GRM8: variants seen among roughly 807,000 people sequenced by gnomAD.
GRM8 encodes glutamate metabotropic receptor 8.
A neutral mutation model predicts 87.2 loss-of-function variants in GRM8; 47 were observed. The observed-to-expected ratio is 0.54, with a 90% CI of 0.43 to 0.69. GRM8 has a LOEUF of 0.69. Ranked by LOEUF, GRM8 falls within the 30% of genes least tolerant of loss-of-function variation. The pLI is 0.00. For missense variants in GRM8, 1,019 were observed against 1,139.2 expected (o/e 0.89, Z 1.52); for synonymous variants, 396 against 404.5 (o/e 0.98, Z 0.25).
intron 6 of GRM8, among the ~76,000 whole-genome samples, chr7:126,776,443 T>C (rs1819485780): frequency 6.6e-6 from 1 of 152,192 alleles, no homozygotes; most frequent in Non-Finnish European, 1.5e-5. Flanking sequence ...TGGTTAATGA[T>C]ATCTCCCCAA....
intron 6 of GRM8, among the ~76,000 whole-genome samples, chr7:126,815,172 C>T (rs1027202805): frequency 6.6e-6 from 1 of 152,064 alleles, no homozygotes; most frequent in Non-Finnish European, 1.5e-5. Context: ...TTGTCCATGG[C>T]TGTCCAGTTC....
chr7:126,586,696 G>T (rs1562980599), intron 8 of GRM8, among the ~76,000 whole-genome samples: 2 of 151,864 alleles, frequency 1.3e-5, no homozygotes, highest in Non-Finnish European at 2.9e-5. Context: ...TGGATTAAAG[G>T]TTAAATGTTA....
intron 7 of GRM8, among the ~76,000 whole-genome samples, chr7:126,707,425 A>G (rs1276008775): frequency 6.6e-6 from 1 of 152,186 alleles, no homozygotes; most frequent in Non-Finnish European, 1.5e-5. Flanking sequence ...AGCAAATTGT[A>G]TCTTGCCTTA....
chr7:126,910,580 A>T (rs1469370128), intron 3 of GRM8, among the ~76,000 whole-genome samples: 1 of 152,200 alleles, frequency 6.6e-6, no homozygotes, highest in African/African-American at 2.4e-5. Context: ...TATTTGGGCC[A>T]TGACAATTCA....
chr7:126,866,467 G>A (rs1179019285), intron 6 of GRM8, among the ~76,000 whole-genome samples: 1 of 148,922 alleles, frequency 6.7e-6, no homozygotes, highest in Admixed American at 6.7e-5. Flanking sequence ...GCTTTTTGGT[G>A]GCATGTCTAA....
At chr7:127,002,953 G>C (rs191785839) in intron 3 of GRM8, among the ~76,000 whole-genome samples, 2 of 151,614 alleles carry the variant, frequency 1.3e-5, no homozygotes, top group Non-Finnish European at 3.0e-5. Flanking sequence ...AATTCCCAGA[G>C]GTCTGGGGAA....
intron 3 of GRM8, among the ~76,000 whole-genome samples, chr7:127,038,774 T>C (rs897318853): frequency 1.3e-5 from 2 of 152,238 alleles, no homozygotes; most frequent in African/African-American, 4.8e-5. Flanking sequence ...GAGTGGTAGG[T>C]ATTTCTTTAT....
chr7:127,134,973 AAATAT>A (rs1225776837), intron 2 of GRM8, among the ~76,000 whole-genome samples: 3 of 152,164 alleles, frequency 2.0e-5, no homozygotes, highest in Non-Finnish European at 4.4e-5. Context: ...AACATGATGA[AAATAT>A]AATAGGCAAA....
chr7:127,114,095 C>G (rs1304102077), intron 2 of GRM8, among the ~76,000 whole-genome samples: 1 of 152,174 alleles, frequency 6.6e-6, no homozygotes, highest in Non-Finnish European at 1.5e-5. Context: ...AGTAGTATTC[C>G]TTCCCCAAAT....
At chr7:127,232,834 G>T (rs1029464362) in intron 2 of GRM8, among the ~76,000 whole-genome samples, 2 of 151,872 alleles carry the variant, frequency 1.3e-5, no homozygotes, top group Non-Finnish European at 2.9e-5. Flanking sequence ...ATTAACTGGG[G>T]TTTTTTGTTT....
At chr7:126,856,774 T>A (rs1481036281) in intron 6 of GRM8, among the ~76,000 whole-genome samples, 2 of 152,224 alleles carry the variant, frequency 1.3e-5, no homozygotes, top group African/African-American at 4.8e-5. Flanking sequence ...GTTAGTAAGT[T>A]ACACATTGCT....
intron 8 of GRM8, among the ~76,000 whole-genome samples, chr7:126,585,516 T>G (rs1796021020): frequency 6.6e-6 from 1 of 151,920 alleles, no homozygotes; most frequent in African/African-American, 2.4e-5. Context: ...TTGCCTGAGT[T>G]TAAAAAATTG....
chr7:126,994,120 CTT>C (rs1812942702), intron 3 of GRM8, among the ~76,000 whole-genome samples: 1 of 152,164 alleles, frequency 6.6e-6, no homozygotes, highest in Admixed American at 6.5e-5. Context: ...AGCAAAGAGA[CTT>C]TGTCTTGCAC....
intron 7 of GRM8, among the ~76,000 whole-genome samples, chr7:126,748,326 C>T (rs973892351): frequency 1.1e-4 from 16 of 151,968 alleles, no homozygotes; most frequent in Admixed American, 9.8e-4. Context: ...ACAAAGTGAA[C>T]ATACAAAAAT....
intron 3 of GRM8, among the ~76,000 whole-genome samples, chr7:126,979,528 G>A (rs947285920): frequency 4.6e-5 from 7 of 152,258 alleles, no homozygotes; most frequent in Middle Eastern, 6.8e-3. Context: ...AGCCTAGTCC[G>A]TCTTTTAATG....
chr7:127,026,154 C>T (rs920118721), intron 3 of GRM8, among the ~76,000 whole-genome samples: 1 of 152,100 alleles, frequency 6.6e-6, no homozygotes. Flanking sequence ...CAGCTACATC[C>T]ATGTCCGTGC....
At chr7:127,088,386 C>G (rs1823720346) in intron 3 of GRM8, among the ~76,000 whole-genome samples, 1 of 152,188 alleles carries the variant, frequency 6.6e-6, no homozygotes. Context: ...AATGGAGAGC[C>G]TTTACAAAGC....
At chr7:127,070,864 T>G (rs1821610425) in intron 3 of GRM8, among the ~76,000 whole-genome samples, 1 of 152,202 alleles carries the variant, frequency 6.6e-6, no homozygotes, top group Non-Finnish European at 1.5e-5. Context: ...CCATAATCTC[T>G]AGCCATTAAA....
chr7:126,579,196 T>C (rs1795382311), intron 8 of GRM8, among the ~76,000 whole-genome samples: 1 of 152,212 alleles, frequency 6.6e-6, no homozygotes, highest in Non-Finnish European at 1.5e-5. Context: ...GGACTAAATT[T>C]ACACTTCAAA....
Sources: gnomAD v4.1 joint callset for allele counts (sites outside exome capture counted in the v4.1 genomes callset) on GRCh38, gnomAD v4.1.1 for gene constraint, MANE v1.5 for transcripts, NCBI Gene and HGNC (gene_info 2026-07-23, HGNC 2026-07-21) for gene names.